The following AK7 variants were observed in gnomAD, a reference collection of about 807,000 sequenced individuals.
AK7 encodes ATP-AMP transphosphorylase 7.
AK7 carries 78 observed loss-of-function variants against 96.6 expected under a neutral mutation model. That is an observed-to-expected ratio of 0.81 (90% CI 0.67 to 0.97). AK7 has a LOEUF of 0.97. AK7 is among the 50% of genes least tolerant of loss of function. The pLI, the probability that AK7 is intolerant of heterozygous loss-of-function variation, is 0.00. For missense variants in AK7, 855 were observed against 887.9 expected (o/e 0.96, Z 0.47); for synonymous variants, 302 against 317.2 (o/e 0.95, Z 0.51).
chr14:96,464,391 TA>T (rs1894439386), intron 12 of AK7, among the ~76,000 whole-genome samples: 1 of 150,612 alleles, frequency 6.6e-6, no homozygotes, highest in Non-Finnish European at 1.5e-5. Flanking sequence ...CTACAAAAAA[TA>T]CAAAAAAAAT....
chr14:96,420,934 T>A lies in AK7; in HGVS notation c.609+2T>A, dbSNP rs1289913405. On this transcript the variant is annotated splice_donor_variant, in intron 5 of 17. Coordinates refer to ENST00000267584, the MANE Select transcript of AK7 (RefSeq NM_152327.5). LOFTEE classifies it high-confidence loss of function. ...ATGGTTCTCAAATTTGGAAAAAAGGTAAGTCTGGCATAGTGGAACATGGAC... is the reference window on the plus strand; with the variant it reads ...ATGGTTCTCAAATTTGGAAAAAAGGAAAGTCTGGCATAGTGGAACATGGAC... 6.3e-7 allele frequency: 1 copy of A among 1,581,626 alleles called. No homozygotes were observed. Among genetic ancestry groups the A allele is most frequent in the Non-Finnish European group, 8.7e-7 (1 of 1,150,942 alleles).
chr14:96,430,799 G>C (rs1428337054), intron 5 of AK7, among the ~76,000 whole-genome samples: 2 of 152,162 alleles, frequency 1.3e-5, no homozygotes, highest in Non-Finnish European at 2.9e-5. Flanking sequence ...AAATGAGTTA[G>C]GGAGGATTTC....
Position 96,407,122 on chromosome 14 carries a change from G to C in AK7, c.404-1725G>C, listed in dbSNP as rs112939424. Among the ~76,000 whole-genome samples the C allele has an allele frequency of 2.7e-3, 414 of 152,346 alleles. 2 individuals are homozygous for C. The highest frequency in any genetic ancestry group is 4.9e-3 in the Non-Finnish European group (331 of 68,026). On this transcript the variant is annotated intron_variant, in intron 3 of 17. Coordinates refer to ENST00000267584, the MANE Select transcript of AK7 (RefSeq NM_152327.5). ...AAAGGAGAGAAAATATCTGCATATA[G>C]ATGAAGGGTGTGTTCAAAGGGGAAC...
intron 2 of AK7, among the ~76,000 whole-genome samples, chr14:96,400,526 A>G (rs1890349334): frequency 1.3e-5 from 2 of 152,314 alleles, no homozygotes; most frequent in South Asian, 4.1e-4. Context: ...TTCAGAGCTG[A>G]TCCACAGGCT....
In AK7 at chr14:96,458,339, T is replaced by C. The variant is rs931900466; in HGVS notation, c.1357+127T>C. 1.4e-5 allele frequency: 18 copies of C among 1,254,786 alleles called. No individual in the cohort carries two copies. In the Admixed American group the frequency reaches 4.2e-4, roughly 29 times the overall value. The allele number at this position is 1,254,786 out of a possible 1,614,324, so 77.7% of individuals were successfully genotyped here. A position where few individuals can be genotyped will look rare whatever the true frequency, so the allele number is the denominator to read the frequency against. ...AGGCGGGCGCCATGGCTCATGCCTGTAATCCCAGCACTTTGGGAGTCTGAG... is the reference window on the plus strand; with the variant it reads ...AGGCGGGCGCCATGGCTCATGCCTGCAATCCCAGCACTTTGGGAGTCTGAG... On this transcript the variant is annotated intron_variant, in intron 12 of 17. Coordinates refer to ENST00000267584, the MANE Select transcript of AK7 (RefSeq NM_152327.5).
intron 5 of AK7, chr14:96,424,041 A>C: frequency 1.4e-6 from 1 of 737,648 alleles, no homozygotes; most frequent in Non-Finnish European, 2.5e-6. Context: ...GTTTCCCTAA[A>C]TCAAGACCAT....
intron 6 of AK7, 128 bp downstream of exon 6, chr14:96,438,043 T>G: frequency 1.5e-6 from 1 of 655,672 alleles, no homozygotes; most frequent in South Asian, 2.3e-5. Context: ...AAGGCAAGTA[T>G]GGATGTCACC....
chr14:96,407,584 T>TC (rs1218810956), intron 3 of AK7, among the ~76,000 whole-genome samples: 3 of 143,734 alleles, frequency 2.1e-5, no homozygotes, highest in African/African-American at 7.6e-5. Flanking sequence ...TCTTTTCTTT[T>TC]TTTTTTTTTT....
intron 12 of AK7, among the ~76,000 whole-genome samples, chr14:96,463,804 C>T (rs189817760): frequency 6.7e-6 from 1 of 150,014 alleles, no homozygotes; most frequent in African/African-American, 2.4e-5. Flanking sequence ...ACTGAGGTAA[C>T]ACAATGATAA....
At chr14:96,484,101 G>A (rs920682578) in intron 16 of AK7, among the ~76,000 whole-genome samples, 4 of 152,120 alleles carry the variant, frequency 2.6e-5, no homozygotes, top group African/African-American at 4.8e-5. Flanking sequence ...TGGCATGCCT[G>A]TAGCCCCAAC....
At chr14:96,424,238 C>T (rs1442624044) in intron 5 of AK7, 2 of 446,324 alleles carry the variant, frequency 4.5e-6, no homozygotes, top group East Asian at 1.1e-4. Flanking sequence ...GCGGAGCGCG[C>T]AGCCGGGAGT....
chr14:96,405,964 T>C (rs993101693), intron 3 of AK7, among the ~76,000 whole-genome samples: 1 of 152,124 alleles, frequency 6.6e-6, no homozygotes, highest in African/African-American at 2.4e-5. Flanking sequence ...AAAAGTGTAA[T>C]GAACTGTAAT....
At chr14:96,461,627 T>C (rs1894254323) in intron 12 of AK7, among the ~76,000 whole-genome samples, 1 of 152,236 alleles carries the variant, frequency 6.6e-6, no homozygotes, top group African/African-American at 2.4e-5. Context: ...AGTCTCACTC[T>C]GTCACCCAGG....
intron 1 of AK7, among the ~76,000 whole-genome samples, chr14:96,395,993 G>T (rs1278973940): frequency 6.6e-6 from 1 of 151,638 alleles, no homozygotes; most frequent in Non-Finnish European, 1.5e-5. Flanking sequence ...TGTATTTTTA[G>T]TAGAGACGGA....
At chr14:96,474,500 C>A (rs1041663510) in intron 14 of AK7, among the ~76,000 whole-genome samples, 1 of 150,380 alleles carries the variant, frequency 6.6e-6, no homozygotes, top group South Asian at 2.1e-4. Context: ...GTGGCATGCA[C>A]CTGTAGTCCC....
At chr14:96,423,693 C>G (rs1891847526) in intron 5 of AK7, 7 of 679,238 alleles carry the variant, frequency 1.0e-5, no homozygotes, top group South Asian at 4.1e-5. Context: ...CGAGCTGCCC[C>G]CTACTTCCCA....
intron 4 of AK7, among the ~76,000 whole-genome samples, chr14:96,416,117 C>T (rs1891334853): frequency 6.6e-6 from 1 of 152,122 alleles, no homozygotes; most frequent in Admixed American, 6.6e-5. Context: ...GGCACAGTGG[C>T]TCATGCCTGT....
intron 1 of AK7, among the ~76,000 whole-genome samples, chr14:96,395,233 T>C (rs565266108): frequency 1.3e-5 from 2 of 152,304 alleles, no homozygotes; most frequent in South Asian, 2.1e-4. Context: ...AGTCAACACA[T>C]ATTTTGTACA....
chr14:96,437,195 ATAACT>A (rs1297329284), intron 5 of AK7, among the ~76,000 whole-genome samples: 1 of 152,310 alleles, frequency 6.6e-6, no homozygotes, highest in South Asian at 2.1e-4. Flanking sequence ...AGATTTTTAA[ATAACT>A]TAAAGAGTAT....
Sources: gnomAD v4.1 joint callset for allele counts (sites outside exome capture counted in the v4.1 genomes callset) on GRCh38, gnomAD v4.1.1 for gene constraint, MANE v1.5 for transcripts, NCBI Gene and HGNC (gene_info 2026-07-23, HGNC 2026-07-21) for gene names.